Variants in CDC14A observed in about 807,000 individuals in gnomAD.
CDC14A encodes cell division cycle 14A, also known as dual specificity protein phosphatase CDC14A.
In CDC14A, 53 loss-of-function variants were observed where a neutral mutation model predicts 74.4. That is an observed-to-expected ratio of 0.71 (90% confidence interval 0.57 to 0.89). The LOEUF is 0.89. Among genes scored for constraint, CDC14A ranks in the 40% least tolerant of loss-of-function variants. CDC14A has a pLI of 0.00. For missense variants in CDC14A, 646 were observed against 713.7 expected (o/e 0.91, Z 1.08); for synonymous variants, 247 against 258.4 (o/e 0.96, Z 0.43).
chr1:100,360,299 G>A (rs918536162), intron 2 of CDC14A, among the ~76,000 whole-genome samples: 2 of 150,800 alleles, frequency 1.3e-5, no homozygotes, highest in African/African-American at 4.9e-5. Context: ...TTATGATGTA[G>A]TATATGTTAA....
intron 4 of CDC14A, 45 bp from the exon 5 acceptor site, chr1:100,424,177 G>A: frequency 7.1e-7 from 1 of 1,408,864 alleles, no homozygotes; most frequent in Non-Finnish European, 1.0e-6. Flanking sequence ...AATTAGTTTT[G>A]TGTCATTCTT....
At chr1:100,465,475 G>A (rs1571261338) in intron 9 of CDC14A, among the ~76,000 whole-genome samples, 1 of 152,026 alleles carries the variant, frequency 6.6e-6, no homozygotes, top group East Asian at 1.9e-4. Flanking sequence ...TCTACTATAG[G>A]CTTATTAATT....
chr1:100,484,490 A>G, intron 11 of CDC14A, 39 bp downstream of exon 11: 1 of 1,556,218 alleles, frequency 6.4e-7, no homozygotes, highest in Non-Finnish European at 8.7e-7. Context: ...CTTAAAACTG[A>G]TGTTCTGCAT....
chr1:100,420,775 C>T (rs988702026), intron 4 of CDC14A, among the ~76,000 whole-genome samples: 1 of 152,060 alleles, frequency 6.6e-6, no homozygotes, highest in African/African-American at 2.4e-5. Flanking sequence ...CATTGGCTTA[C>T]TGGTAAACAA....
Position 100,494,519 on chromosome 1 carries a change from G to T in CDC14A, c.1138-299G>T, listed in dbSNP as rs570213923. On this transcript the variant is annotated intron_variant, in intron 11 of 15. Coordinates refer to ENST00000336454, the MANE Select transcript of CDC14A (RefSeq NM_003672.4). ...GTATCTAGGCTATATTCCAACGTATGATTGTGTCTGCAGGAGAGTCTCCTC... is the reference window on the plus strand; with the variant it reads ...GTATCTAGGCTATATTCCAACGTATTATTGTGTCTGCAGGAGAGTCTCCTC... Among the ~76,000 whole-genome samples the T allele has an allele frequency of 2.4e-4, 36 of 152,298 alleles. No homozygotes were observed. The South Asian group carries it at 7.0e-3, about 30-fold the overall frequency.
chr1:100,360,398 C>A (rs1262704889), intron 2 of CDC14A, among the ~76,000 whole-genome samples: 2 of 150,544 alleles, frequency 1.3e-5, no homozygotes, highest in Non-Finnish European at 3.0e-5. Context: ...GACTGGAGTG[C>A]AGTGGGGCAA....
chr1:100,518,189 GACTTGCT>G (rs1011199335), intron 15 of CDC14A, 55 bp from the exon 16 acceptor site: 183 of 1,281,636 alleles, frequency 1.4e-4, no homozygotes, highest in Middle Eastern at 1.3e-3. Context: ...GAAGCTGCAT[GACTTGCT>G]AGAAGTTTTA....
At chr1:100,411,933 TA>T (rs576846599) in intron 4 of CDC14A, among the ~76,000 whole-genome samples, 4 of 152,088 alleles carry the variant, frequency 2.6e-5, no homozygotes, top group African/African-American at 9.7e-5. Flanking sequence ...GTGATGCTGA[TA>T]AAGAGGAAGA....
chr1:100,376,083 G>A (rs932215372), intron 2 of CDC14A, among the ~76,000 whole-genome samples: 1 of 152,134 alleles, frequency 6.6e-6, no homozygotes, highest in African/African-American at 2.4e-5. Context: ...TCACTCATAG[G>A]TGGGAACTGA....
intron 10 of CDC14A, among the ~76,000 whole-genome samples, chr1:100,470,940 G>A (rs1483757459): frequency 6.6e-6 from 1 of 152,058 alleles, no homozygotes; most frequent in Non-Finnish European, 1.5e-5. Context: ...TTAAATAAGG[G>A]AAATGGAAAC....
chr1:100,423,920 G>A (rs1256026990), intron 4 of CDC14A: 11 of 287,614 alleles, frequency 3.8e-5, no homozygotes, highest in Non-Finnish European at 6.9e-5. Context: ...TGAGCACACG[G>A]TATATTATGA....
intron 7 of CDC14A, among the ~76,000 whole-genome samples, chr1:100,453,162 G>C (rs1182549198): frequency 6.6e-6 from 1 of 152,068 alleles, no homozygotes; most frequent in Non-Finnish European, 1.5e-5. Flanking sequence ...TTTTTGGGTA[G>C]GAGGATTTGC....
chr1:100,494,696 C>T (rs1647513392), intron 11 of CDC14A, 122 bp from the exon 12 acceptor site: 1 of 556,566 alleles, frequency 1.8e-6, no homozygotes, highest in African/African-American at 1.9e-5. Context: ...ATTCACAGTA[C>T]CTTTAGTGAC....
chr1:100,412,230 G>A lies in CDC14A; in HGVS notation c.310-11992G>A, dbSNP rs72972096. Among the ~76,000 whole-genome samples the A allele has an allele frequency of 6.5e-3, 993 of 152,130 alleles. 10 individuals carry two copies. The highest frequency in any genetic ancestry group is 0.023 in the African/African-American group (949 of 41,494). The stretch of plus-strand genomic sequence containing the variant: ...TCTCCATGGTACAGTTATCTGTATC[G>A]TTCCGATTTCTCTTATGCTACTCTG... On this transcript the variant is annotated intron_variant, in intron 4 of 15. Transcript: ENST00000336454.
At chr1:100,458,744 C>A (rs1434177646) in intron 8 of CDC14A, among the ~76,000 whole-genome samples, 1 of 147,458 alleles carries the variant, frequency 6.8e-6, no homozygotes, top group Admixed American at 6.7e-5. Flanking sequence ...GGCTGAAAGT[C>A]ATTTTAGAGG....
chr1:100,407,588 A>T (rs28361215), intron 4 of CDC14A, among the ~76,000 whole-genome samples: 18,202 of 152,190 alleles, frequency 0.12, 1,382 homozygotes, highest in Non-Finnish European at 0.16. Context: ...TTATCAGCTT[A>T]AAAAGCTTTT....
At chr1:100,370,068 C>T (rs997328642) in intron 2 of CDC14A, among the ~76,000 whole-genome samples, 1 of 151,540 alleles carries the variant, frequency 6.6e-6, no homozygotes, top group African/African-American at 2.4e-5. Flanking sequence ...ACTGCAGCCT[C>T]GACCTCCCGG....
At chr1:100,469,396 CA>C (rs1457245545) in intron 10 of CDC14A, among the ~76,000 whole-genome samples, 4 of 152,142 alleles carry the variant, frequency 2.6e-5, no homozygotes, top group Non-Finnish European at 5.9e-5. Context: ...AGGATCATTA[CA>C]AAGACAGGAA....
chr1:100,429,713 TTA>T (rs1274928974), intron 5 of CDC14A, among the ~76,000 whole-genome samples: 2 of 143,614 alleles, frequency 1.4e-5, no homozygotes, highest in South Asian at 4.2e-4. Context: ...TCAAGTATAT[TTA>T]TATATATATT....
Sources: allele counts gnomAD v4.1 joint callset (sites outside exome capture counted in the v4.1 genomes callset), GRCh38; gene constraint gnomAD v4.1.1; transcripts MANE v1.5; gene names NCBI Gene and HGNC (gene_info 2026-07-23, HGNC 2026-07-21).